The following LIN52 variants were observed in gnomAD, a reference collection of about 807,000 sequenced individuals.
LIN52 encodes the protein protein lin-52 homolog.
LIN52 carries 4 observed loss-of-function variants against 18.5 expected under a neutral mutation model. The observed-to-expected ratio is 0.22, with a 90% CI of 0.11 to 0.49. LIN52 has a LOEUF of 0.49. LIN52 is among the 20% of genes least tolerant of loss of function. LIN52 has a pLI of 0.97. For missense variants in LIN52, 102 were observed against 139.5 expected (o/e 0.73, Z 1.35); for synonymous variants, 34 against 45.5 (o/e 0.75, Z 1.02).
At chr14:74,113,697 A>G (rs2060944987) in intron 5 of LIN52, among the ~76,000 whole-genome samples, 1 of 152,184 alleles carries the variant, frequency 6.6e-6, no homozygotes, top group African/African-American at 2.4e-5. Flanking sequence ...AATGCTGTCA[A>G]ATTAACTGTG....
At chr14:74,112,475 A>G (rs1304903638) in intron 5 of LIN52, among the ~76,000 whole-genome samples, 1 of 152,086 alleles carries the variant, frequency 6.6e-6, no homozygotes, top group Non-Finnish European at 1.5e-5. Context: ...ATATCTGCAT[A>G]TAAGACCCTA....
intron 5 of LIN52, chr14:74,114,307 GAT>G: frequency 2.0e-5 from 20 of 985,190 alleles, no homozygotes; most frequent in Non-Finnish European, 2.4e-5. Context: ...GAATAGGAAA[GAT>G]ACACACCTTT....
intron 5 of LIN52, among the ~76,000 whole-genome samples, chr14:74,163,907 TTATTCTC>T (rs1344511189): frequency 6.6e-6 from 1 of 152,156 alleles, no homozygotes; most frequent in Non-Finnish European, 1.5e-5. Flanking sequence ...GACTGGAGCT[TTATTCTC>T]TAAAGTTAAA....
chr14:74,197,042 C>T (rs2078917081), intron 5 of LIN52, among the ~76,000 whole-genome samples: 1 of 152,200 alleles, frequency 6.6e-6, no homozygotes, highest in Admixed American at 6.5e-5. Flanking sequence ...CCAGTCTCTC[C>T]ATGAACTTGG....
intron 5 of LIN52, among the ~76,000 whole-genome samples, chr14:74,125,460 G>T (rs574854428): frequency 6.6e-6 from 1 of 152,184 alleles, no homozygotes; most frequent in South Asian, 2.1e-4. Flanking sequence ...TTTTGATGGG[G>T]TTGTTTGTTT....
At chr14:74,170,906 G>T (rs767989338) in intron 5 of LIN52, among the ~76,000 whole-genome samples, 2 of 151,288 alleles carry the variant, frequency 1.3e-5, no homozygotes, top group Non-Finnish European at 2.9e-5. Context: ...ATGATCCCAG[G>T]CATGGTGGTT....
At chr14:74,138,303 A>G (rs1211037529) in intron 5 of LIN52, among the ~76,000 whole-genome samples, 1 of 152,236 alleles carries the variant, frequency 6.6e-6, no homozygotes, top group Non-Finnish European at 1.5e-5. Context: ...ATAAGAGGAA[A>G]GAATACACTT....
chr14:74,121,725 CTT>C (rs11332437), intron 5 of LIN52, among the ~76,000 whole-genome samples: 2,634 of 142,172 alleles, frequency 0.019, 46 homozygotes, highest in African/African-American at 0.045. Context: ...CCTTCACTTT[CTT>C]TTTTTTTTTT....
intron 5 of LIN52, among the ~76,000 whole-genome samples, chr14:74,152,495 C>T (rs2061180769): frequency 6.6e-6 from 1 of 152,112 alleles, no homozygotes; most frequent in South Asian, 2.1e-4. Context: ...AGCCTCACAA[C>T]AGCCCTGTAA....
chr14:74,185,279 T>C (rs924207911), intron 5 of LIN52, among the ~76,000 whole-genome samples: 1 of 151,370 alleles, frequency 6.6e-6, no homozygotes, highest in African/African-American at 2.4e-5. Context: ...TGGGGGTTTT[T>C]ATGTAATATA....
rs1192872842 is a variant in LIN52, at chr14:74,199,001, C to G, written c.*24C>G. The stretch of plus-strand genomic sequence containing the variant: ...AGCAGCTGCTTGCGGACAGGATGTC[C>G]TGGGGTCCGAAACCAAGCTCCCTTC... On this transcript the variant is annotated 3_prime_UTR_variant, in exon 6 of 6. Transcript: ENST00000555028. 11 of 1,587,734 alleles carry G rather than the reference C, an allele frequency of 6.9e-6. No individual in the cohort carries two copies. Among genetic ancestry groups the G allele is most frequent in the Non-Finnish European group, 9.5e-6 (11 of 1,157,112 alleles).
chr14:74,086,094 T>C (rs1199855043), intron 1 of LIN52, among the ~76,000 whole-genome samples: 3 of 152,148 alleles, frequency 2.0e-5, no homozygotes, highest in African/African-American at 7.2e-5. Flanking sequence ...GGAGTTGCCC[T>C]TTCCCACCAT....
chr14:74,091,144 T>C lies in LIN52; in HGVS notation c.20-88T>C, dbSNP rs76291294. Reference sequence around the variant, plus strand: ...TCATATCTCTAGACTTCCAGGTGAGTGTTCCAGTTTATGTCCTTTGAGATT... The same window carrying C: ...TCATATCTCTAGACTTCCAGGTGAGCGTTCCAGTTTATGTCCTTTGAGATT... On this transcript the variant is annotated intron_variant, in intron 1 of 5. Coordinates refer to ENST00000555028, the MANE Select transcript of LIN52 (RefSeq NM_001024674.3). 1.8e-3 allele frequency: 1,490 copies of C among 842,432 alleles called. 21 individuals are homozygous for C. The African/African-American group carries it at 0.023, about 13-fold the overall frequency. The allele number at this position is 842,432 out of a possible 1,614,324, so 52.2% of individuals were successfully genotyped here. A position where few individuals can be genotyped will look rare whatever the true frequency, so the allele number is the denominator to read the frequency against.
chr14:74,178,837 T>C (rs920307787), intron 5 of LIN52, among the ~76,000 whole-genome samples: 8 of 151,944 alleles, frequency 5.3e-5, no homozygotes, highest in African/African-American at 1.9e-4. Flanking sequence ...TCCTAACACT[T>C]TGGGAGGCCA....
intron 5 of LIN52, among the ~76,000 whole-genome samples, chr14:74,150,589 T>G (rs1416899511): frequency 6.6e-6 from 1 of 152,210 alleles, no homozygotes; most frequent in Non-Finnish European, 1.5e-5. Context: ...TGATTCTCTA[T>G]GTACCTATAT....
rs11424527 is a variant in LIN52 at position 74,171,018 on chromosome 14, C to CAAA, written c.284-27889_284-27887dup. Among the ~76,000 whole-genome samples the CAAA allele has an allele frequency of 5.0e-3, 623 of 123,584 alleles. 6 individuals carry two copies. The highest frequency in any genetic ancestry group is 0.014 in the African/African-American group (491 of 34,338). 81.1% of individuals were successfully genotyped at this position (123,584 alleles called of 152,430 possible). On this transcript the variant is annotated intron_variant, in intron 5 of 5. Transcript: ENST00000555028. ...CAACATAGTGAGACTCCGTCTGTAC[C>CAAA]AAAAAAAAAAAAAAAAATTAGCTTG...
chr14:74,196,717 A>ATT (rs1414480515), intron 5 of LIN52, among the ~76,000 whole-genome samples: 1 of 151,932 alleles, frequency 6.6e-6, no homozygotes, highest in African/African-American at 2.4e-5. Context: ...TCATTCATTC[A>ATT]CTCACTCAGA....
chr14:74,178,867 G>T (rs1056445989), intron 5 of LIN52, among the ~76,000 whole-genome samples: 1 of 151,896 alleles, frequency 6.6e-6, no homozygotes, highest in Non-Finnish European at 1.5e-5. Context: ...GATCACTTGA[G>T]GCCAGGAGTT....
At position 74,114,602 on chromosome 14, in the gene LIN52, C is replaced by A. The variant is rs1469977445; in HGVS notation, c.283+13364C>A. ...AGGCTAGATGCCTGCTTAACAACAA[C>A]AACAACAACAAAAATCACATAATTC... On this transcript the variant is annotated intron_variant, in intron 5 of 5. Coordinates refer to ENST00000555028, the MANE Select transcript of LIN52 (RefSeq NM_001024674.3). Among the ~76,000 whole-genome samples the A allele has an allele frequency of 3.3e-5, 5 of 152,140 alleles. No individual in the cohort carries two copies. In the East Asian group the frequency reaches 9.6e-4, roughly 29 times the overall value.
Sources: allele counts gnomAD v4.1 joint callset (sites outside exome capture counted in the v4.1 genomes callset), GRCh38; gene constraint gnomAD v4.1.1; transcripts MANE v1.5; gene names NCBI Gene and HGNC (gene_info 2026-07-23, HGNC 2026-07-21).